The following PPP1R16B variants were observed in gnomAD, a reference collection of about 807,000 sequenced individuals.
PPP1R16B encodes the protein protein phosphatase 1 regulatory inhibitor subunit 16B.
Under a neutral mutation model 61.7 loss-of-function variants are expected in PPP1R16B, and 14 were observed. That is an observed-to-expected ratio of 0.23 (90% CI 0.15 to 0.35). PPP1R16B has a LOEUF of 0.35. Among genes scored for constraint, PPP1R16B ranks in the 10% least tolerant of loss-of-function variants. The pLI is 1.00. For synonymous variants in PPP1R16B, 266 were observed against 305.3 expected (o/e 0.87, Z 1.34); for missense variants, 547 against 752.5 (o/e 0.73, Z 3.19).
chr20:38,825,693 T>A (rs966761756), intron 1 of PPP1R16B, among the ~76,000 whole-genome samples: 4 of 152,174 alleles, frequency 2.6e-5, no homozygotes, highest in Non-Finnish European at 5.9e-5. Context: ...GTTGTTTGGA[T>A]GATATTCTGG....
intron 3 of PPP1R16B, among the ~76,000 whole-genome samples, chr20:38,894,724 C>T (rs1009617069): frequency 6.6e-6 from 1 of 152,190 alleles, no homozygotes; most frequent in African/African-American, 2.4e-5. Context: ...TGTCTTTCTC[C>T]TCTCTCCCGG....
At chr20:38,835,752 C>A (rs1008709411) in intron 1 of PPP1R16B, 73 bp from the exon 2 acceptor site, 1 of 757,214 alleles carries the variant, frequency 1.3e-6, no homozygotes, top group Non-Finnish European at 2.0e-6. Flanking sequence ...GAACACGGGG[C>A]GTTGGGGGAC....
chr20:38,889,765 G>A (rs371715661), intron 3 of PPP1R16B, 100 bp downstream of exon 3: 15 of 1,243,130 alleles, frequency 1.2e-5, no homozygotes, highest in South Asian at 8.5e-5. Flanking sequence ...CAGGGAGGAG[G>A]GAATGAGGGA....
chr20:38,849,834 C>T lies in PPP1R16B; in HGVS notation c.250+13659C>T, dbSNP rs192033640. Among the ~76,000 whole-genome samples the T allele has an allele frequency of 3.1e-3, 477 of 152,268 alleles. 2 individuals are homozygous for T. The highest frequency in any genetic ancestry group is 4.6e-3 in the South Asian group (22 of 4,818). ...ACATTACCAGCACCCCAAAAGTCTT[C>T]CTGGACACACGGTTGATTTTTAACA... On this transcript the variant is annotated intron_variant, in intron 2 of 10. Coordinates refer to ENST00000299824, the MANE Select transcript of PPP1R16B (RefSeq NM_015568.4).
In PPP1R16B at chr20:38,900,782, C is replaced by T. The variant is rs139457602; in HGVS notation, c.571+98C>T. 1.3e-3 allele frequency: 1,136 copies of T among 863,138 alleles called. 9 individuals are homozygous for T. The African/African-American group carries it at 0.019, about 14-fold the overall frequency. The allele number at this position is 863,138 out of a possible 1,614,324, so 53.5% of individuals were successfully genotyped here. A position where few individuals can be genotyped will look rare whatever the true frequency, so the allele number is the denominator to read the frequency against. On this transcript the variant is annotated intron_variant, in intron 5 of 10. Transcript: ENST00000299824. ...GCGAACAGATTAGCTACGCATCGGC[C>T]TGCCTCGTGCGCTGTGCTCAGTGAA...
intron 2 of PPP1R16B, among the ~76,000 whole-genome samples, chr20:38,855,739 T>G (rs1454236775): frequency 6.6e-6 from 1 of 151,518 alleles, no homozygotes; most frequent in East Asian, 1.9e-4. Flanking sequence ...ACCCACCCAG[T>G]GGGGTGCCCC....
intron 2 of PPP1R16B, among the ~76,000 whole-genome samples, chr20:38,853,565 C>T (rs987480525): frequency 6.6e-5 from 10 of 152,314 alleles, no homozygotes; most frequent in East Asian, 5.8e-4. Flanking sequence ...AAAGTAGTAA[C>T]GGCAGTCCTC....
In PPP1R16B at chr20:38,922,604, G is replaced by C. The variant is rs543394781; in HGVS notation, c.*3938G>C. 2.0e-5 allele frequency: 3 copies of C among 152,630 alleles called. No individual in the cohort carries two copies. The highest frequency in any genetic ancestry group is 6.5e-5 in the Admixed American group (1 of 15,280). 9.5% of individuals were successfully genotyped at this position (152,630 alleles called of 1,614,324 possible). The stretch of plus-strand genomic sequence containing the variant: ...TCCCATGGGCATTGCAAGTGCCACC[G>C]TGCGGGGCCTGGCTCTGCACACCCA... On this transcript the variant is annotated 3_prime_UTR_variant, in exon 11 of 11. Coordinates refer to ENST00000299824, the MANE Select transcript of PPP1R16B (RefSeq NM_015568.4).
intron 4 of PPP1R16B, among the ~76,000 whole-genome samples, chr20:38,897,981 T>C (rs2085362623): frequency 6.6e-6 from 1 of 152,236 alleles, no homozygotes; most frequent in Non-Finnish European, 1.5e-5. Context: ...GATTTCTCTA[T>C]GTATTCTGGA....
chr20:38,808,529 C>A (rs1279249554), intron 1 of PPP1R16B, among the ~76,000 whole-genome samples: 1 of 152,172 alleles, frequency 6.6e-6, no homozygotes, highest in Non-Finnish European at 1.5e-5. Context: ...CTCGGACAAG[C>A]CTGCCTCTTA....
In PPP1R16B at chr20:38,921,538, C is replaced by T. The variant is rs1330920114; in HGVS notation, c.*2872C>T. 2 of 152,206 alleles carry T rather than the reference C, an allele frequency of 1.3e-5. No homozygotes were observed. Among genetic ancestry groups the T allele is most frequent in the African/African-American group, 4.8e-5 (2 of 41,438 alleles). The allele number at this position is 152,206 out of a possible 1,614,324, so 9.4% of individuals were successfully genotyped here. ...TCCTAGAATCCTTAGAGTCTGAATT[C>T]CTTTAGCTGGGAACAGCTGTCATGG... On this transcript the variant is annotated 3_prime_UTR_variant, in exon 11 of 11. Coordinates refer to ENST00000299824, the MANE Select transcript of PPP1R16B (RefSeq NM_015568.4).
At chr20:38,885,411 C>T (rs952998119) in intron 2 of PPP1R16B, among the ~76,000 whole-genome samples, 2 of 152,166 alleles carry the variant, frequency 1.3e-5, no homozygotes, top group Non-Finnish European at 2.9e-5. Flanking sequence ...TGCAGGGCGT[C>T]TGATACATAG....
At chr20:38,883,918 G>A (rs943800348) in intron 2 of PPP1R16B, among the ~76,000 whole-genome samples, 2 of 152,208 alleles carry the variant, frequency 1.3e-5, no homozygotes, top group African/African-American at 4.8e-5. Flanking sequence ...AGCAGAGAAG[G>A]GGAATAACTT....
intron 3 of PPP1R16B, among the ~76,000 whole-genome samples, chr20:38,890,848 G>C (rs1391433652): frequency 6.6e-6 from 1 of 152,220 alleles, no homozygotes; most frequent in Admixed American, 6.5e-5. Flanking sequence ...TCTCCACCTC[G>C]GTACAAGGGC....
chr20:38,916,283 A>G (rs949182333), intron 10 of PPP1R16B, among the ~76,000 whole-genome samples: 7 of 67,742 alleles, frequency 1.0e-4, no homozygotes, highest in Admixed American at 9.9e-4. Context: ...ATATTACCAT[A>G]TATATATATA....
chr20:38,867,266 A>G (rs763578752), intron 2 of PPP1R16B, among the ~76,000 whole-genome samples: 2 of 152,196 alleles, frequency 1.3e-5, no homozygotes, highest in Non-Finnish European at 2.9e-5. Context: ...ATGTCCAAAC[A>G]TCAGCCTGGT....
chr20:38,895,254 C>T (rs998727998), intron 3 of PPP1R16B, among the ~76,000 whole-genome samples: 4 of 152,180 alleles, frequency 2.6e-5, no homozygotes, highest in Admixed American at 1.3e-4. Flanking sequence ...AAACCTCATT[C>T]AAAATTTTGT....
In PPP1R16B at chr20:38,869,363, T is replaced by C. The variant is rs148988840; in HGVS notation, c.251-20232T>C. ...TAGTAGAGATGGAATCTCACCATGT[T>C]GGTCAAACTGGTCTCGAACTCCTGA... On this transcript the variant is annotated intron_variant, in intron 2 of 10. Coordinates refer to ENST00000299824, the MANE Select transcript of PPP1R16B (RefSeq NM_015568.4). 1.9e-3 allele frequency among the ~76,000 whole-genome samples: 285 copies of C among 152,182 alleles called. 1 individual carries two copies. Among genetic ancestry groups the C allele is most frequent in the African/African-American group, 6.2e-3 (259 of 41,494 alleles).
At chr20:38,865,769 C>G (rs1258724989) in intron 2 of PPP1R16B, among the ~76,000 whole-genome samples, 1 of 152,106 alleles carries the variant, frequency 6.6e-6, no homozygotes, top group Non-Finnish European at 1.5e-5. Flanking sequence ...CTGGTGTAAT[C>G]CCAGCGGCCC....
Sources: gnomAD v4.1 joint callset for allele counts (sites outside exome capture counted in the v4.1 genomes callset) on GRCh38, gnomAD v4.1.1 for gene constraint, MANE v1.5 for transcripts, NCBI Gene and HGNC (gene_info 2026-07-23, HGNC 2026-07-21) for gene names.